Variants in ARFIP1 observed in about 807,000 individuals in gnomAD.
ARFIP1 encodes the protein arfaptin-1.
ARFIP1 carries 24 observed loss-of-function variants against 42.5 expected under a neutral mutation model. The observed-to-expected ratio is 0.57, with a 90% confidence interval of 0.41 to 0.80. The LOEUF (loss-of-function observed/expected upper bound fraction) is 0.80, where lower values mean the gene tolerates loss of function less well. Among genes scored for constraint, ARFIP1 ranks in the 30% least tolerant of loss-of-function variants. ARFIP1 has a pLI of 0.00. For missense variants in ARFIP1, 354 were observed against 434.0 expected (o/e 0.82, Z 1.64); for synonymous variants, 141 against 153.7 (o/e 0.92, Z 0.61).
intron 2 of ARFIP1, among the ~76,000 whole-genome samples, chr4:152,842,671 G>A (rs904900573): frequency 5.9e-5 from 9 of 151,966 alleles, no homozygotes; most frequent in African/African-American, 1.2e-4. Flanking sequence ...CTTCGAGCTC[G>A]GAATTTCTTT....
intron 2 of ARFIP1, among the ~76,000 whole-genome samples, chr4:152,852,876 G>C (rs1442439183): frequency 1.3e-5 from 2 of 152,148 alleles, no homozygotes; most frequent in African/African-American, 4.8e-5. Context: ...CAACCTATTT[G>C]TATCATTTTT....
intron 5 of ARFIP1, among the ~76,000 whole-genome samples, chr4:152,876,054 C>G (rs751468470): frequency 6.6e-6 from 1 of 152,144 alleles, no homozygotes; most frequent in Non-Finnish European, 1.5e-5. Context: ...AGTTAAACCT[C>G]TTTTTATTCC....
At chr4:152,856,385 G>GATTC (rs1733436591) in intron 2 of ARFIP1, among the ~76,000 whole-genome samples, 1 of 151,956 alleles carries the variant, frequency 6.6e-6, no homozygotes, top group African/African-American at 2.4e-5. Flanking sequence ...CACATCCACA[G>GATTC]ATTCAACCAA....
chr4:152,885,683 T>C (rs564061879), intron 7 of ARFIP1, among the ~76,000 whole-genome samples: 3 of 152,120 alleles, frequency 2.0e-5, no homozygotes, highest in African/African-American at 7.2e-5. Context: ...ATTATAACTT[T>C]GAATATGTTT....
At chr4:152,866,612 G>A (rs1280705170) in intron 3 of ARFIP1, among the ~76,000 whole-genome samples, 3 of 151,726 alleles carry the variant, frequency 2.0e-5, no homozygotes, top group Non-Finnish European at 2.9e-5. Flanking sequence ...CTCTCTCCTG[G>A]ACGGGGCGGC....
intron 1 of ARFIP1, among the ~76,000 whole-genome samples, chr4:152,797,687 T>C (rs1731552126): frequency 6.6e-6 from 1 of 152,236 alleles, no homozygotes; most frequent in Non-Finnish European, 1.5e-5. Context: ...CCTAACTATT[T>C]AGTCTTTTTA....
At chr4:152,858,930 C>G (rs1472553285) in intron 2 of ARFIP1, among the ~76,000 whole-genome samples, 1 of 152,226 alleles carries the variant, frequency 6.6e-6, no homozygotes, top group African/African-American at 2.4e-5. Context: ...ATCCAAACCT[C>G]ATATCCAAAC....
chr4:152,850,758 T>C (rs968078338), intron 2 of ARFIP1: 1 of 152,200 alleles, frequency 6.6e-6, no homozygotes, highest in Non-Finnish European at 1.5e-5. Context: ...GAAGTACCAA[T>C]AGAGAGTTTA....
chr4:152,878,867 G>A (rs1218987478), intron 5 of ARFIP1, among the ~76,000 whole-genome samples: 1 of 152,146 alleles, frequency 6.6e-6, no homozygotes, highest in Non-Finnish European at 1.5e-5. Context: ...AGTACCACAT[G>A]CTTTGGCTTT....
intron 3 of ARFIP1, among the ~76,000 whole-genome samples, chr4:152,869,668 A>G (rs1378362290): frequency 1.3e-5 from 2 of 152,068 alleles, no homozygotes; most frequent in Non-Finnish European, 2.9e-5. Context: ...AGCTCAAGCA[A>G]TCCATCTGCC....
At chr4:152,892,994 C>T (rs1049779893) in intron 8 of ARFIP1, among the ~76,000 whole-genome samples, 1 of 152,182 alleles carries the variant, frequency 6.6e-6, no homozygotes, top group South Asian at 2.1e-4. Context: ...AGTTTGTTTA[C>T]CTGTTATTGT....
intron 1 of ARFIP1, among the ~76,000 whole-genome samples, chr4:152,788,443 G>A (rs557979663): frequency 3.0e-4 from 45 of 152,226 alleles, no homozygotes; most frequent in African/African-American, 9.4e-4. Flanking sequence ...ACTTTGGGAG[G>A]TCAAGGCAGG....
intron 2 of ARFIP1, among the ~76,000 whole-genome samples, chr4:152,845,503 A>G (rs1478195200): frequency 6.6e-6 from 1 of 152,200 alleles, no homozygotes; most frequent in Non-Finnish European, 1.5e-5. Context: ...AAACAATTGA[A>G]CAAGCAAAAA....
rs1165541263 is a variant in ARFIP1, at chr4:152,888,271, T to C, written c.930T>C (p.Asp310=). ...HKEKYDKMRN[D]VSVKLKFLEE... ...AAAAATATGATAAAATGCGCAATGATGTTTCTGTCAAATTGAAATTTCTAG... is the reference window on the plus strand; with the variant it reads ...AAAAATATGATAAAATGCGCAATGACGTTTCTGTCAAATTGAAATTTCTAG... The change falls in exon 8 of 9, where the codon GAT becomes GAC. Residue 310 remains aspartate, a synonymous_variant. Coordinates refer to ENST00000353617, the MANE Select transcript of ARFIP1 (RefSeq NM_001025595.3). 2 of 1,608,128 alleles carry C rather than the reference T, an allele frequency of 1.2e-6. No individual in the cohort carries two copies. Among genetic ancestry groups the C allele is most frequent in the Non-Finnish European group, 1.7e-6 (2 of 1,177,662 alleles).
In ARFIP1 at chr4:152,905,909, T is replaced by C. The variant is rs1738322954; in HGVS notation, c.967-4155T>C. 2.0e-5 allele frequency among the ~76,000 whole-genome samples: 3 copies of C among 152,172 alleles called. No homozygotes were observed. In the South Asian group the frequency reaches 6.2e-4, roughly 32 times the overall value. On this transcript the variant is annotated intron_variant, in intron 8 of 8. Coordinates refer to ENST00000353617, the MANE Select transcript of ARFIP1 (RefSeq NM_001025595.3). The stretch of plus-strand genomic sequence containing the variant: ...CTTTGATACCTGTTTTGCAAGTATT[T>C]TTTCCAAATATATGGCTTTTTCACT...
chr4:152,861,405 C>T (rs1733882690), intron 2 of ARFIP1, among the ~76,000 whole-genome samples: 1 of 152,154 alleles, frequency 6.6e-6, no homozygotes, highest in South Asian at 2.1e-4. Flanking sequence ...TACTGTATTT[C>T]TATGACGTTG....
chr4:152,814,614 T>C (rs2149835049), intron 1 of ARFIP1, among the ~76,000 whole-genome samples: 1 of 152,252 alleles, frequency 6.6e-6, no homozygotes, highest in East Asian at 1.9e-4. Context: ...TGCCTGAGCT[T>C]GAACAGTCAA....
intron 1 of ARFIP1, among the ~76,000 whole-genome samples, chr4:152,814,097 C>CTTTTTTTTTTTTTTTTTTTTT (rs67593845): frequency 9.0e-6 from 1 of 110,882 alleles, no homozygotes; most frequent in Non-Finnish European, 1.9e-5. Flanking sequence ...TCTTCTTCTT[C>CTTTTTTTTTTTTTTTTTTTTT]TTTTTTTTTT....
chr4:152,849,256 A>G (rs181812992), intron 2 of ARFIP1, among the ~76,000 whole-genome samples: 104 of 152,144 alleles, frequency 6.8e-4, no homozygotes, highest in African/African-American at 2.4e-3. Context: ...ATTTATAAAC[A>G]AAAGCTATTA....
Sources: gnomAD v4.1 joint callset for allele counts (sites outside exome capture counted in the v4.1 genomes callset) on GRCh38, gnomAD v4.1.1 for gene constraint, MANE v1.5 for transcripts, NCBI Gene and HGNC (gene_info 2026-07-23, HGNC 2026-07-21) for gene names.